PIGF: variants seen among roughly 807,000 people sequenced by gnomAD.
The protein encoded by PIGF is GPI ethanolamine phosphate transferase, stabilizing subunit.
In PIGF, 23 loss-of-function variants were observed where a neutral mutation model predicts 26.0. That is an observed-to-expected ratio of 0.88 (90% confidence interval 0.64 to 1.25). The LOEUF (loss-of-function observed/expected upper bound fraction) is 1.25. Ranked by LOEUF, PIGF falls within the 50% of genes most tolerant of loss-of-function variation. The pLI, the probability that PIGF is intolerant of heterozygous loss-of-function variation, is 0.00. For missense variants in PIGF, 278 were observed against 249.9 expected (o/e 1.11, Z -0.76); for synonymous variants, 93 against 92.6 (o/e 1.00, Z -0.03).
intron 4 of PIGF, among the ~76,000 whole-genome samples, chr2:46,611,026 A>T (rs1402576533): frequency 6.6e-6 from 1 of 151,672 alleles, no homozygotes; most frequent in Non-Finnish European, 1.5e-5. Context: ...CAAATCATAT[A>T]CTCTTGACTT....
chr2:46,614,148 G>C (rs1009305126), intron 2 of PIGF: 2 of 157,214 alleles, frequency 1.3e-5, no homozygotes, highest in African/African-American at 2.4e-5. Flanking sequence ...CGATGATAGA[G>C]GAAATATCTG....
Position 46,611,517 on chromosome 2 carries a change from G to C in PIGF, c.437+711C>G, listed in dbSNP as rs578191948. On this transcript the variant is annotated intron_variant, in intron 4 of 5. Transcript: ENST00000281382. The stretch of plus-strand genomic sequence containing the variant: ...AAAAAAGATTCCTCCTAATACTTCA[G>C]AAACCACACACAGCTTAGCATAACA... Among the ~76,000 whole-genome samples, 9 of 151,068 alleles carry C rather than the reference G, an allele frequency of 6.0e-5. No homozygotes were observed. In the South Asian group the frequency reaches 1.7e-3, roughly 28 times the overall value.
chr2:46,603,440 C>T (rs968076853), intron 4 of PIGF, among the ~76,000 whole-genome samples: 5 of 151,992 alleles, frequency 3.3e-5, no homozygotes, highest in African/African-American at 1.2e-4. Flanking sequence ...GGAAGAATCA[C>T]ATTACTTGAC....
At chr2:46,594,717 G>C (rs1235861773) in intron 4 of PIGF, among the ~76,000 whole-genome samples, 1 of 151,910 alleles carries the variant, frequency 6.6e-6, no homozygotes, top group African/African-American at 2.4e-5. Context: ...TGTATTTTTA[G>C]TAGAGATGGG....
chr2:46,586,269 T>A (rs1669569040), intron 5 of PIGF, among the ~76,000 whole-genome samples: 1 of 152,230 alleles, frequency 6.6e-6, no homozygotes, highest in Non-Finnish European at 1.5e-5. Context: ...GGTTTTAAAC[T>A]AATCATTGGT....
chr2:46,599,194 T>C (rs1276354057), intron 4 of PIGF, among the ~76,000 whole-genome samples: 1 of 152,216 alleles, frequency 6.6e-6, no homozygotes, highest in Non-Finnish European at 1.5e-5. Flanking sequence ...AGCTGGGATA[T>C]GAAGGGTACA....
intron 4 of PIGF, among the ~76,000 whole-genome samples, chr2:46,593,681 T>C (rs1669792694): frequency 6.6e-6 from 1 of 152,326 alleles, no homozygotes; most frequent in Non-Finnish European, 1.5e-5. Context: ...GGAGTCTGGT[T>C]ACAGTCAGGT....
At chr2:46,610,447 C>T (rs1427337691) in intron 4 of PIGF, among the ~76,000 whole-genome samples, 20 of 150,952 alleles carry the variant, frequency 1.3e-4, no homozygotes, top group Admixed American at 1.3e-3. Context: ...GTAGAAAATG[C>T]TTTCAGTTGT....
intron 4 of PIGF, among the ~76,000 whole-genome samples, chr2:46,596,952 G>A (rs1669907425): frequency 6.6e-6 from 1 of 152,152 alleles, no homozygotes; most frequent in Non-Finnish European, 1.5e-5. Context: ...AATTGTCCAT[G>A]GATGTTAAGA....
chr2:46,583,203 C>T (rs1298544461), intron 5 of PIGF: 2 of 152,026 alleles, frequency 1.3e-5, no homozygotes, highest in African/African-American at 2.4e-5. Context: ...ACTTGGTTTA[C>T]TAATTCAAAG....
chr2:46,587,607 A>G (rs1029126106), intron 5 of PIGF, among the ~76,000 whole-genome samples: 9 of 152,208 alleles, frequency 5.9e-5, no homozygotes, highest in Non-Finnish European at 1.2e-4. Context: ...ACTTTATATC[A>G]ATTTTCCTTT....
intron 4 of PIGF, among the ~76,000 whole-genome samples, chr2:46,609,763 G>A (rs140517839): frequency 3.1e-4 from 47 of 152,184 alleles, no homozygotes; most frequent in African/African-American, 1.1e-3. Context: ...GTCAGAAGAT[G>A]TACAACATTT....
At chr2:46,605,119 T>C (rs1174006502) in intron 4 of PIGF, among the ~76,000 whole-genome samples, 3 of 152,052 alleles carry the variant, frequency 2.0e-5, no homozygotes, top group South Asian at 2.1e-4. Flanking sequence ...TGCAAAACCA[T>C]AGATCTTTGA....
Position 46,588,924 on chromosome 2 carries a change from C to T in PIGF, c.546+3551G>A, listed in dbSNP as rs1463932748. The stretch of plus-strand genomic sequence containing the variant: ...TTATTGATTAGCTATTTAGTTACAG[C>T]AGATAAAGAATCAAATTATAAAATA... On this transcript the variant is annotated intron_variant, in intron 5 of 5. Transcript: ENST00000281382. This position sits in a 1 kb window ranked among gnomAD's most constrained non-coding sequence, Gnocchi z 4.1. Among the ~76,000 whole-genome samples the T allele has an allele frequency of 6.6e-6, 1 of 152,072 alleles. No homozygotes were observed. The highest frequency in any genetic ancestry group is 1.5e-5 in the Non-Finnish European group (1 of 67,962).
At chr2:46,612,149 C>T (rs1670440444) in intron 4 of PIGF, 79 bp downstream of exon 4, 1 of 463,094 alleles carries the variant, frequency 2.2e-6, no homozygotes, top group Non-Finnish European at 3.7e-6. Context: ...GAATAATCAG[C>T]AAACTGCCAT....
At chr2:46,591,370 G>A (rs956639705) in intron 5 of PIGF, 5 of 222,990 alleles carry the variant, frequency 2.2e-5, no homozygotes, top group Middle Eastern at 2.2e-3. Flanking sequence ...GGGTGGTTGG[G>A]GAGGAAAGTA....
chr2:46,609,561 A>C (rs1670338866), intron 4 of PIGF, among the ~76,000 whole-genome samples: 1 of 152,230 alleles, frequency 6.6e-6, no homozygotes, highest in Non-Finnish European at 1.5e-5. Flanking sequence ...CATTAAGCTT[A>C]ATCACTTCTA....
intron 4 of PIGF, among the ~76,000 whole-genome samples, chr2:46,596,366 TC>T (rs1669885397): frequency 6.6e-6 from 1 of 152,120 alleles, no homozygotes; most frequent in African/African-American, 2.4e-5. Context: ...AATATGATCA[TC>T]CAAGAGGTTG....
At chr2:46,612,176 C>G in intron 4 of PIGF, 52 bp downstream of exon 4, 1 of 560,930 alleles carries the variant, frequency 1.8e-6, no homozygotes, top group East Asian at 3.4e-5. Context: ...AAAAATACTT[C>G]ATTAATTATT....
Sources: gnomAD v4.1 joint callset for allele counts (sites outside exome capture counted in the v4.1 genomes callset) on GRCh38, gnomAD v4.1.1 for gene constraint, Gnocchi (gnomAD v3.1) non-coding constraint, MANE v1.5 for transcripts, NCBI Gene and HGNC (gene_info 2026-07-23, HGNC 2026-07-21) for gene names.